Variants in DLGAP1 observed in about 807,000 individuals in gnomAD.
The protein encoded by DLGAP1 is disks large-associated protein 1.
DLGAP1 carries 11 observed loss-of-function variants against 90.8 expected under a neutral mutation model. That is an observed-to-expected ratio of 0.12 (90% confidence interval 0.08 to 0.20). DLGAP1 has a LOEUF of 0.20. Ranked by LOEUF, DLGAP1 falls within the 10% of genes least tolerant of loss-of-function variation. The probability of loss-of-function intolerance (pLI) is 1.00; values close to 1 mark genes in which losing one functional copy is unlikely to be tolerated. For missense variants in DLGAP1, 1,050 were observed against 1,333.8 expected, an observed-to-expected ratio of 0.79 and a Z score of 3.31; for synonymous variants, 558 against 540.7, an observed-to-expected ratio of 1.03 and a Z score of -0.44.
At chr18:4,249,101 C>T (rs2078719836) in intron 1 of DLGAP1, among the ~76,000 whole-genome samples, 1 of 152,198 alleles carries the variant, frequency 6.6e-6, no homozygotes, top group Admixed American at 6.5e-5. Context: ...CCCTCCCTTT[C>T]CCTGCTCTAT....
intron 2 of DLGAP1, among the ~76,000 whole-genome samples, chr18:4,043,317 T>C (rs568673457): frequency 4.8e-4 from 73 of 152,352 alleles, no homozygotes; most frequent in African/African-American, 1.7e-3. Context: ...ACCAAATGTC[T>C]GAAATTAAAA....
chr18:3,860,098 C>CAAAA (rs1169488386), intron 4 of DLGAP1, among the ~76,000 whole-genome samples: 1,248 of 104,846 alleles, frequency 0.012, 64 homozygotes, highest in Admixed American at 0.076. Flanking sequence ...GACTCTGTCT[C>CAAAA]AAAAAATAAA....
chr18:4,021,301 AGTC>A (rs2149112545), intron 2 of DLGAP1, among the ~76,000 whole-genome samples: 1 of 152,256 alleles, frequency 6.6e-6, no homozygotes, highest in South Asian at 2.1e-4. Context: ...CATCAGGGCA[AGTC>A]CTTCATAGCC....
chr18:3,705,299 G>A (rs2061398091), intron 7 of DLGAP1, among the ~76,000 whole-genome samples: 1 of 143,516 alleles, frequency 7.0e-6, no homozygotes, highest in African/African-American at 2.5e-5. Context: ...AACTTTTCAG[G>A]CTACTTTTTT....
intron 1 of DLGAP1, among the ~76,000 whole-genome samples, chr18:4,255,061 C>T (rs1025139125): frequency 6.6e-6 from 1 of 152,144 alleles, no homozygotes; most frequent in Non-Finnish European, 1.5e-5. Flanking sequence ...AAAGCAGAGC[C>T]GAGTGCTGGG....
chr18:4,157,170 G>A (rs898168813), intron 1 of DLGAP1, among the ~76,000 whole-genome samples: 8 of 151,254 alleles, frequency 5.3e-5, no homozygotes, highest in Non-Finnish European at 7.4e-5. Context: ...CTTAACTCTG[G>A]GTGCTTGTCT....
chr18:4,303,390 CTT>C (rs1326800866), intron 1 of DLGAP1, among the ~76,000 whole-genome samples: 7 of 152,098 alleles, frequency 4.6e-5, no homozygotes, highest in African/African-American at 1.2e-4. Flanking sequence ...GCTGATCTCT[CTT>C]GTGTGCTGTA....
chr18:4,014,632 T>C (rs2074489241), intron 2 of DLGAP1, among the ~76,000 whole-genome samples: 1 of 152,228 alleles, frequency 6.6e-6, no homozygotes, highest in South Asian at 2.1e-4. Flanking sequence ...TTACACATTG[T>C]ATGCAGGTAT....
At chr18:3,690,094 GTTTTTT>G (rs77999372) in intron 7 of DLGAP1, among the ~76,000 whole-genome samples, 5 of 116,880 alleles carry the variant, frequency 4.3e-5, no homozygotes, top group Non-Finnish European at 8.5e-5. Flanking sequence ...GCTGGGTGAG[GTTTTTT>G]TTTTTTTTTT....
chr18:4,345,842 G>C (rs955929371), intron 1 of DLGAP1, among the ~76,000 whole-genome samples: 3 of 152,160 alleles, frequency 2.0e-5, no homozygotes, highest in African/African-American at 7.2e-5. Flanking sequence ...ATCAGGTCAC[G>C]ACATCAAATA....
At chr18:3,833,583 A>G (rs1419470367) in intron 4 of DLGAP1, among the ~76,000 whole-genome samples, 3 of 152,134 alleles carry the variant, frequency 2.0e-5, no homozygotes, top group African/African-American at 7.2e-5. Flanking sequence ...CTTCTGTTAC[A>G]CAGAAACAAA....
chr18:3,890,879 C>T (rs539249013), intron 3 of DLGAP1, among the ~76,000 whole-genome samples: 2 of 152,154 alleles, frequency 1.3e-5, no homozygotes, highest in African/African-American at 2.4e-5. Flanking sequence ...CAGATGTGCA[C>T]CACTGCGCCA....
chr18:3,612,392 G>A (rs1385698436), intron 7 of DLGAP1, among the ~76,000 whole-genome samples: 2 of 152,180 alleles, frequency 1.3e-5, no homozygotes, highest in Non-Finnish European at 2.9e-5. Flanking sequence ...TCAGTAAATG[G>A]CATACAGTAA....
At chr18:3,970,901 C>T (rs78414032) in intron 3 of DLGAP1, among the ~76,000 whole-genome samples, 15,658 of 152,094 alleles carry the variant, frequency 0.1, 1,219 homozygotes, top group African/African-American at 0.21. Flanking sequence ...AGCCCTGCAT[C>T]CTGGGCCTAT....
intron 6 of DLGAP1, among the ~76,000 whole-genome samples, chr18:3,735,457 T>A (rs568512241): frequency 3.5e-4 from 54 of 152,288 alleles, no homozygotes; most frequent in African/African-American, 1.2e-3. Context: ...ACTCCTGACC[T>A]CATGATCCAT....
rs908838265 is a variant in DLGAP1, at chr18:4,076,630, A to AT, written c.-158-71430dup. On this transcript the variant is annotated intron_variant, in intron 2 of 12. Transcript: ENST00000315677. ...TTTCTTTCTTTATAGTATTATTATT[A>AT]TTATTTTTCTTGAGGCAGCATCTTG... Among the ~76,000 whole-genome samples, 3 of 151,412 alleles carry AT rather than the reference A, an allele frequency of 2.0e-5. 1 individual carries two copies. Among genetic ancestry groups the AT allele is most frequent in the Admixed American group, 2.0e-4 (3 of 15,170 alleles).
At chr18:3,709,453 C>A (rs1371342913) in intron 7 of DLGAP1, among the ~76,000 whole-genome samples, 1 of 152,182 alleles carries the variant, frequency 6.6e-6, no homozygotes, top group Admixed American at 6.5e-5. Flanking sequence ...CATGTTTGAC[C>A]TGAAGTTGAG....
At chr18:3,773,464 T>C (rs1434492503) in intron 5 of DLGAP1, among the ~76,000 whole-genome samples, 1 of 152,160 alleles carries the variant, frequency 6.6e-6, no homozygotes, top group Non-Finnish European at 1.5e-5. Flanking sequence ...AGGAACAAAA[T>C]GTTTTCCTAA....
At chr18:4,031,989 G>A (rs8088794) in intron 2 of DLGAP1, among the ~76,000 whole-genome samples, 6,483 of 152,194 alleles carry the variant, frequency 0.043, 275 homozygotes, top group African/African-American at 0.11. Context: ...GTAGCATTAT[G>A]AGTAACAAGC....
Sources: allele counts gnomAD v4.1 joint callset (sites outside exome capture counted in the v4.1 genomes callset), GRCh38; gene constraint gnomAD v4.1.1; transcripts MANE v1.5; gene names NCBI Gene and HGNC (gene_info 2026-07-23, HGNC 2026-07-21).